The following CSGALNACT2 variants were observed in gnomAD, a reference collection of about 807,000 sequenced individuals.
The protein encoded by CSGALNACT2 is beta 4 GalNAcT-2.
CSGALNACT2 carries 35 observed loss-of-function variants against 55.3 expected under a neutral mutation model. The ratio of observed to expected loss-of-function variants is 0.63; its 90% CI spans 0.48 to 0.84. The LOEUF (loss-of-function observed/expected upper bound fraction) is 0.84. Ranked by LOEUF, CSGALNACT2 falls within the 40% of genes least tolerant of loss-of-function variation. CSGALNACT2 has a pLI of 0.00. For synonymous variants in CSGALNACT2, 196 were observed against 224.9 expected (o/e 0.87, Z 1.15); for missense variants, 544 against 657.5 (o/e 0.83, Z 1.89).
At chr10:43,146,785 A>G (rs1295658364) in intron 1 of CSGALNACT2, among the ~76,000 whole-genome samples, 1 of 151,692 alleles carries the variant, frequency 6.6e-6, no homozygotes, top group Non-Finnish European at 1.5e-5. Context: ...ATAACTTATT[A>G]ACAAAACTAT....
At chr10:43,160,310 C>A (rs1839115884) in intron 3 of CSGALNACT2, among the ~76,000 whole-genome samples, 184 bp from the exon 4 acceptor site, 1 of 152,174 alleles carries the variant, frequency 6.6e-6, no homozygotes, top group Admixed American at 6.5e-5. Context: ...CCATGGCCCT[C>A]CAAGGGGTGC....
intron 4 of CSGALNACT2, chr10:43,162,360 G>A (rs1839168720): frequency 8.5e-7 from 1 of 1,176,650 alleles, no homozygotes; most frequent in Admixed American, 2.0e-5. Flanking sequence ...ACTATGGCCA[G>A]GTTGGGTGGG....
At chr10:43,182,994 T>C (rs932969085) in intron 7 of CSGALNACT2, among the ~76,000 whole-genome samples, 1 of 152,152 alleles carries the variant, frequency 6.6e-6, no homozygotes, top group African/African-American at 2.4e-5. Context: ...GACTTTGAAA[T>C]TTACAAAGTG....
intron 6 of CSGALNACT2, among the ~76,000 whole-genome samples, chr10:43,170,259 G>A (rs1367246046): frequency 6.6e-6 from 1 of 152,172 alleles, no homozygotes; most frequent in Non-Finnish European, 1.5e-5. Context: ...ACAGTAACAA[G>A]TACACTCAGC....
At chr10:43,163,052 A>T in intron 4 of CSGALNACT2, 1 of 985,126 alleles carries the variant, frequency 1.0e-6, no homozygotes, top group Non-Finnish European at 1.2e-6. Context: ...TACCAATCTG[A>T]TTTGTCTGAT....
intron 1 of CSGALNACT2, among the ~76,000 whole-genome samples, chr10:43,146,255 C>T (rs1259619684): frequency 6.6e-6 from 1 of 151,900 alleles, no homozygotes; most frequent in Admixed American, 6.6e-5. Flanking sequence ...GGCCCAAGAG[C>T]CCCTGGAAAA....
At chr10:43,154,225 A>G (rs1838944963) in intron 1 of CSGALNACT2, among the ~76,000 whole-genome samples, 1 of 152,232 alleles carries the variant, frequency 6.6e-6, no homozygotes, top group African/African-American at 2.4e-5. Flanking sequence ...CCAAATGGTC[A>G]TAAGCTTTAG....
chr10:43,141,572 AG>A (rs35318896), intron 1 of CSGALNACT2, among the ~76,000 whole-genome samples: 79,429 of 139,608 alleles, frequency 0.57, 22,765 homozygotes, highest in African/African-American at 0.63. Context: ...CCAGCTGTTC[AG>A]GCAGTGGAGG....
intron 6 of CSGALNACT2, among the ~76,000 whole-genome samples, chr10:43,170,627 A>C (rs952794823): frequency 1.3e-5 from 2 of 152,252 alleles, no homozygotes; most frequent in African/African-American, 2.4e-5. Context: ...AGGAAAGAAA[A>C]GTTAAGTCTT....
chr10:43,167,724 A>T (rs1265586550), intron 6 of CSGALNACT2, among the ~76,000 whole-genome samples: 1 of 152,178 alleles, frequency 6.6e-6, no homozygotes, highest in Admixed American at 6.5e-5. Flanking sequence ...TTGGTAAGTT[A>T]CTGCTAAGTA....
intron 5 of CSGALNACT2, among the ~76,000 whole-genome samples, chr10:43,164,955 G>A (rs548598719): frequency 6.6e-6 from 1 of 152,154 alleles, no homozygotes; most frequent in Admixed American, 6.5e-5. Context: ...TGGGGGTGGT[G>A]GCTCATGCCT....
In CSGALNACT2 at chr10:43,183,604, C is replaced by T; in HGVS notation, c.*62C>T. Reference sequence around the variant, plus strand: ...CAGCACTATTTATTTAGCCTTACTTCTACTTCCAGATGCAGTGCCTCTTTT... The same window carrying T: ...CAGCACTATTTATTTAGCCTTACTTTTACTTCCAGATGCAGTGCCTCTTTT... On this transcript the variant is annotated 3_prime_UTR_variant, in exon 8 of 8. Transcript: ENST00000374466. 2 of 1,380,790 alleles carry T rather than the reference C, an allele frequency of 1.4e-6. No individual in the cohort carries two copies. The highest frequency in any genetic ancestry group is 2.0e-6 in the Non-Finnish European group (2 of 980,860). The allele number at this position is 1,380,790 out of a possible 1,614,324, so 85.5% of individuals were successfully genotyped here. A position where few individuals can be genotyped will look rare whatever the true frequency, so the allele number is the denominator to read the frequency against.
chr10:43,168,509 A>G (rs1395475056), intron 6 of CSGALNACT2, among the ~76,000 whole-genome samples: 1 of 152,160 alleles, frequency 6.6e-6, no homozygotes, highest in Non-Finnish European at 1.5e-5. Flanking sequence ...CATTTAAAAA[A>G]CAGTTATCAA....
intron 1 of CSGALNACT2, among the ~76,000 whole-genome samples, chr10:43,148,264 A>G (rs1396686423): frequency 3.3e-5 from 5 of 152,174 alleles, no homozygotes; most frequent in Non-Finnish European, 7.4e-5. Context: ...GTCTATTTCT[A>G]TGCCATACCA....
chr10:43,142,934 A>C (rs565061853), intron 1 of CSGALNACT2, among the ~76,000 whole-genome samples: 5 of 152,310 alleles, frequency 3.3e-5, no homozygotes, highest in South Asian at 2.1e-4. Context: ...ACCACCACCA[A>C]CAAAACTTTG....
intron 1 of CSGALNACT2, among the ~76,000 whole-genome samples, chr10:43,142,414 G>A (rs1838649175): frequency 6.6e-6 from 1 of 152,098 alleles, no homozygotes; most frequent in African/African-American, 2.4e-5. Flanking sequence ...GTGTTCCTCA[G>A]GCTGGTCTTG....
intron 4 of CSGALNACT2, chr10:43,162,997 T>C: frequency 1.0e-6 from 1 of 985,316 alleles, no homozygotes; most frequent in Non-Finnish European, 1.2e-6. Flanking sequence ...CATTTTAAGA[T>C]TCCGTTGACC....
Position 43,184,407 on chromosome 10 carries a change from A to G in CSGALNACT2, c.*865A>G, listed in dbSNP as rs1839653248. ...GTGGTTCAGAATAGATGAGCATAGCATGGTTTTGTTTGTTTTTGCTTTCAA... is the reference window on the plus strand; with the variant it reads ...GTGGTTCAGAATAGATGAGCATAGCGTGGTTTTGTTTGTTTTTGCTTTCAA... On this transcript the variant is annotated 3_prime_UTR_variant, in exon 8 of 8. Transcript: ENST00000374466. 1 of 152,320 alleles carries G rather than the reference A, an allele frequency of 6.6e-6. No individual in the cohort carries two copies. Among genetic ancestry groups the G allele is most frequent in the Non-Finnish European group, 1.5e-5 (1 of 68,012 alleles). The allele number at this position is 152,320 out of a possible 1,614,324, so 9.4% of individuals were successfully genotyped here. A position where few individuals can be genotyped will look rare whatever the true frequency, so the allele number is the denominator to read the frequency against.
At chr10:43,139,774 G>A (rs1051172704) in intron 1 of CSGALNACT2, among the ~76,000 whole-genome samples, 1 of 152,164 alleles carries the variant, frequency 6.6e-6, no homozygotes, top group Non-Finnish European at 1.5e-5. Flanking sequence ...TTGTTTGTGG[G>A]ACACACCCAT....
Sources: gnomAD v4.1 joint callset for allele counts (sites outside exome capture counted in the v4.1 genomes callset) on GRCh38, gnomAD v4.1.1 for gene constraint, MANE v1.5 for transcripts, NCBI Gene and HGNC (gene_info 2026-07-23, HGNC 2026-07-21) for gene names.